Variants in RUSC2 observed in about 807,000 individuals in gnomAD.
RUSC2 encodes AP-4 complex accessory subunit RUSC2.
RUSC2 carries 34 observed loss-of-function variants against 122.2 expected under a neutral mutation model. The observed-to-expected ratio is 0.28, with a 90% CI of 0.21 to 0.37. The LOEUF is 0.37. Among genes scored for constraint, RUSC2 ranks in the 10% least tolerant of loss-of-function variants. The pLI is 1.00. For missense variants in RUSC2, 1,747 were observed against 1,952.4 expected, an observed-to-expected ratio of 0.89 and a Z score of 1.98; for synonymous variants, 784 against 790.0, an observed-to-expected ratio of 0.99 and a Z score of 0.13.
Position 35,558,468 on chromosome 9 carries a change from C to A in RUSC2, c.3242C>A (p.Ser1081Tyr), listed in dbSNP as rs776061202. ...AACCCTGGCTTCCTCCCAGGCCCAT[C>A]CACCAAGGTCCTGCATGGCCTCTAC... ...VVEASTQLGPSTKVLHGLYNK... is the reference protein window; with the variant it reads ...VVEASTQLGPYTKVLHGLYNK... The change falls in exon 8 of 12, where the codon TCC (serine) becomes TAC (tyrosine). Residue 1081 changes from serine (S) to tyrosine (Y), a missense_variant. Transcript: ENST00000361226. The surrounding 1 kb of genome is among the most constrained non-coding windows in gnomAD (Gnocchi z 4.3). 1.9e-6 allele frequency: 3 copies of A among 1,613,946 alleles called. No individual in the cohort carries two copies. In the African/African-American group the frequency reaches 4.0e-5, roughly 22 times the overall value.
At chr9:35,554,682 G>A (rs1213125428) in intron 2 of RUSC2, among the ~76,000 whole-genome samples, 1 of 152,196 alleles carries the variant, frequency 6.6e-6, no homozygotes, top group African/African-American at 2.4e-5. Flanking sequence ...AGAATGATCT[G>A]GAGATGAAGA....
chr9:35,536,643 T>C (rs1336833343), intron 1 of RUSC2, among the ~76,000 whole-genome samples: 1 of 151,524 alleles, frequency 6.6e-6, no homozygotes, highest in Non-Finnish European at 1.5e-5. Flanking sequence ...CAAAACCCCG[T>C]CTCTTCTAAA....
At chr9:35,498,579 C>A (rs1466331222) in intron 1 of RUSC2, among the ~76,000 whole-genome samples, 1 of 151,846 alleles carries the variant, frequency 6.6e-6, no homozygotes, top group East Asian at 1.9e-4. Context: ...GAAAAAGAGG[C>A]CAGGCGCGGT....
intron 1 of RUSC2, among the ~76,000 whole-genome samples, chr9:35,536,760 G>A (rs1821535057): frequency 7.6e-6 from 1 of 131,018 alleles, no homozygotes; most frequent in South Asian, 2.4e-4. Flanking sequence ...GTTGCAGTGA[G>A]CCAAGATCGC....
In RUSC2 at chr9:35,545,757, T is replaced by A. The variant is rs138501041; in HGVS notation, c.-92-673T>A. ...AGGTTGACATCAGTCATACTTGCAG[T>A]CACCCTAATGCCCAACTCAGTGTCT... On this transcript the variant is annotated intron_variant, in intron 1 of 11. Transcript: ENST00000361226. Among the ~76,000 whole-genome samples the A allele has an allele frequency of 6.8e-3, 1,037 of 152,258 alleles. 8 individuals carry two copies. Among genetic ancestry groups the A allele is most frequent in the Non-Finnish European group, 9.8e-3 (666 of 68,014 alleles).
intron 1 of RUSC2, among the ~76,000 whole-genome samples, chr9:35,527,813 A>G (rs892082684): frequency 6.6e-6 from 1 of 152,228 alleles, no homozygotes; most frequent in African/African-American, 2.4e-5. Context: ...TGCTTCTACC[A>G]AAAGCTGTGG....
Position 35,560,986 on chromosome 9 carries a change from A to T in RUSC2, c.4238A>T (p.Asp1413Val), listed in dbSNP as rs764275475. 6.2e-7 allele frequency: 1 copy of T among 1,614,222 alleles called. No homozygotes were observed. The highest frequency in any genetic ancestry group is 8.5e-7 in the Non-Finnish European group (1 of 1,180,032). Residue 1413 changes from aspartate (D) to valine (V), a missense_variant, in exon 11 of 12, where the codon GAC becomes GTC. By Grantham distance (152) the Asp-to-Val change is radical. Coordinates refer to ENST00000361226, the MANE Select transcript of RUSC2 (RefSeq NM_014806.5). ...CTCCCCTCGGACTGGCTGAGCCTGGACAAGTCCATGTTCCAACTAGTGGCG... is the reference window on the plus strand; with the variant it reads ...CTCCCCTCGGACTGGCTGAGCCTGGTCAAGTCCATGTTCCAACTAGTGGCG... ...NRLPSDWLSL[D>V]KSMFQLVAQT...
At chr9:35,491,679 AG>A (rs1332492291) in intron 1 of RUSC2, among the ~76,000 whole-genome samples, 1 of 152,182 alleles carries the variant, frequency 6.6e-6, no homozygotes, top group African/African-American at 2.4e-5. Flanking sequence ...GGCCAGGCAC[AG>A]TGGCTCAGCC....
intron 1 of RUSC2, among the ~76,000 whole-genome samples, chr9:35,525,065 T>C (rs953009712): frequency 1.3e-5 from 2 of 151,996 alleles, no homozygotes; most frequent in South Asian, 2.1e-4. Context: ...GAAAGATATA[T>C]CAACTGGCAA....
At chr9:35,531,543 C>G (rs1821418364) in intron 1 of RUSC2, among the ~76,000 whole-genome samples, 1 of 152,166 alleles carries the variant, frequency 6.6e-6, no homozygotes, top group Non-Finnish European at 1.5e-5. Flanking sequence ...TCAGACAGGT[C>G]TTTATCTGAG....
intron 1 of RUSC2, among the ~76,000 whole-genome samples, chr9:35,527,528 C>T (rs1821346709): frequency 1.3e-5 from 2 of 152,016 alleles, no homozygotes; most frequent in African/African-American, 4.8e-5. Flanking sequence ...TTCAGATCTG[C>T]CTGGTTATTT....
Position 35,557,973 on chromosome 9 carries a change from C to T in RUSC2, c.3043C>T (p.Arg1015Trp), listed in dbSNP as rs780284788. The change falls in exon 6 of 12, where the codon CGG becomes TGG. Residue 1015 changes from arginine to tryptophan, a missense_variant. Arg to Trp is a moderately radical substitution (Grantham distance 101). Transcript: ENST00000361226. The surrounding 1 kb of genome is among the most constrained non-coding windows in gnomAD (Gnocchi z 4.6). Reference sequence around the variant, plus strand: ...CATTGTGGCTCATTTTGGCACAAGCCGGGATCCCGGGGTGAAGGTAGGCAA... The same window carrying T: ...CATTGTGGCTCATTTTGGCACAAGCTGGGATCCCGGGGTGAAGGTAGGCAA... ...DLIVAHFGTS[R>W]DPGVKAKLGN... 1.2e-6 allele frequency: 2 copies of T among 1,614,122 alleles called. No homozygotes were observed. The highest frequency in any genetic ancestry group is 1.7e-6 in the Non-Finnish European group (2 of 1,179,990).
Position 35,548,148 on chromosome 9 carries a change from T to A in RUSC2, c.1627T>A (p.Ser543Thr), listed in dbSNP as rs944915652. 5.0e-6 allele frequency: 8 copies of A among 1,613,242 alleles called. No individual in the cohort carries two copies. The highest frequency in any genetic ancestry group is 6.8e-6 in the Non-Finnish European group (8 of 1,179,994). ...GPGSPPRRVT[S>T]FAELAKGRKK... ...TGGCTCCCCACCCAGGAGGGTCACC[T>A]CCTTTGCCGAGCTGGCCAAGGGCCG... The change falls in exon 2 of 12, where the codon TCC (serine) becomes ACC (threonine). Residue 543 changes from serine to threonine, a missense_variant. Physicochemically the swap from Ser to Thr is moderately conservative, Grantham distance 58. Transcript: ENST00000361226. The surrounding 1 kb of genome is among the most constrained non-coding windows in gnomAD (Gnocchi z 4.5).
rs13300958 is a variant in RUSC2 at position 35,495,096 on chromosome 9, C to T, written c.-93+4924C>T. On this transcript the variant is annotated intron_variant, in intron 1 of 11. Transcript: ENST00000361226. ...TTATATATAGTATATATTATATATACTATAGTATATATTATACATTATATA... is the reference window on the plus strand; with the variant it reads ...TTATATATAGTATATATTATATATATTATAGTATATATTATACATTATATA... Among the ~76,000 whole-genome samples the T allele has an allele frequency of 3.4e-4, 3 of 8,744 alleles. 1 individual carries two copies. The highest frequency in any genetic ancestry group is 1.5e-3 in the Admixed American group (1 of 646). The allele number at this position is 8,744 out of a possible 152,430, so 5.7% of individuals were successfully genotyped here.
In RUSC2 at chr9:35,503,455, C is replaced by T. The variant is rs564115630; in HGVS notation, c.-93+13283C>T. Among the ~76,000 whole-genome samples, 21 of 152,290 alleles carry T rather than the reference C, an allele frequency of 1.4e-4. No individual in the cohort carries two copies. The East Asian group carries it at 3.9e-3, about 28-fold the overall frequency. ...GCCGTTATTTTATTCCATTTTATGG[C>T]TGAGTAGTATTGCGTGGTGTATATA... On this transcript the variant is annotated intron_variant, in intron 1 of 11. Coordinates refer to ENST00000361226, the MANE Select transcript of RUSC2 (RefSeq NM_014806.5).
At chr9:35,495,026 ATAT>A (rs1820655740) in intron 1 of RUSC2, among the ~76,000 whole-genome samples, 1 of 100,580 alleles carries the variant, frequency 9.9e-6, no homozygotes, top group South Asian at 2.5e-4. Flanking sequence ...TATATTTTAT[ATAT>A]TATATATACT....
chr9:35,505,296 T>C (rs1820892376), intron 1 of RUSC2, among the ~76,000 whole-genome samples: 1 of 152,208 alleles, frequency 6.6e-6, no homozygotes, highest in Non-Finnish European at 1.5e-5. Context: ...GTCTTGAGTC[T>C]GGGACTGTGG....
In RUSC2 at chr9:35,556,530, A is replaced by ACCTCTAAGTGTTGGCTGGGC. The variant is rs1554644605; in HGVS notation, c.2983+92_2983+93insTTGGCTGGGCCCTCTAAGTG. Reference sequence around the variant, plus strand: ...TGCCCTACTACCTAGCCAGTCTGAAACCTCTAAGTGCTGGCTGGGCCCAGT... The same window carrying ACCTCTAAGTGTTGGCTGGGC: ...TGCCCTACTACCTAGCCAGTCTGAAACCTCTAAGTGTTGGCTGGGCCCTCTAAGTGCTGGCTGGGCCCAGT... On this transcript the variant is annotated intron_variant, in intron 5 of 11. Coordinates refer to ENST00000361226, the MANE Select transcript of RUSC2 (RefSeq NM_014806.5). The ACCTCTAAGTGTTGGCTGGGC allele has an allele frequency of 1.5e-5, 20 of 1,327,974 alleles. No homozygotes were observed. The East Asian group carries it at 4.2e-4, about 28-fold the overall frequency. 82.3% of individuals were successfully genotyped at this position (1,327,974 alleles called of 1,614,324 possible). A position where few individuals can be genotyped will look rare whatever the true frequency, so the allele number is the denominator to read the frequency against.
In RUSC2 at chr9:35,555,823, C is replaced by G; in HGVS notation, c.2656+122C>G. The G allele has an allele frequency of 6.9e-7, 1 of 1,459,304 alleles. No homozygotes were observed. The allele number at this position is 1,459,304 out of a possible 1,614,324, so 90.4% of individuals were successfully genotyped here. ...CAGAGGTTAGGATGTCTGCATCCCT[C>G]CCTCAGCATCTGTAGATAATATCCA... On this transcript the variant is annotated intron_variant, in intron 3 of 11. Coordinates refer to ENST00000361226, the MANE Select transcript of RUSC2 (RefSeq NM_014806.5). The surrounding 1 kb of genome is among the most constrained non-coding windows in gnomAD (Gnocchi z 4.6).
Sources: allele counts gnomAD v4.1 joint callset (sites outside exome capture counted in the v4.1 genomes callset), GRCh38; gene constraint gnomAD v4.1.1; non-coding constraint Gnocchi (gnomAD v3.1); transcripts MANE v1.5; gene names NCBI Gene and HGNC (gene_info 2026-07-23, HGNC 2026-07-21).